Variants in UST observed in about 807,000 individuals in gnomAD.
UST encodes the protein chondroitin sulfate 2-O-sulfotransferase.
In UST, 21 loss-of-function variants were observed where a neutral mutation model predicts 45.6. The observed-to-expected ratio is 0.46, with a 90% CI of 0.33 to 0.66. The LOEUF (loss-of-function observed/expected upper bound fraction) is 0.66. Ranked by LOEUF, UST falls within the 30% of genes least tolerant of loss-of-function variation. The pLI is 0.02. For synonymous variants in UST, 215 were observed against 200.6 expected (o/e 1.07, Z -0.61); for missense variants, 463 against 512.4 (o/e 0.90, Z 0.93).
At chr6:149,071,301 G>A (rs948115336) in intron 7 of UST, among the ~76,000 whole-genome samples, 1 of 152,152 alleles carries the variant, frequency 6.6e-6, no homozygotes, top group African/African-American at 2.4e-5. Context: ...TAAAAATTGG[G>A]AAGTCTATGT....
intron 7 of UST, among the ~76,000 whole-genome samples, chr6:149,026,636 C>T (rs955078422): frequency 6.6e-6 from 1 of 152,152 alleles, no homozygotes; most frequent in Non-Finnish European, 1.5e-5. Flanking sequence ...CTCTATAAAC[C>T]CTTGACTTGG....
intron 1 of UST, among the ~76,000 whole-genome samples, chr6:148,879,540 C>A (rs778592153): frequency 6.6e-6 from 1 of 152,172 alleles, no homozygotes; most frequent in Non-Finnish European, 1.5e-5. Context: ...AAATCAGAAT[C>A]GCTAAGGCTG....
intron 2 of UST, among the ~76,000 whole-genome samples, chr6:148,896,398 G>T (rs1004853245): frequency 6.6e-6 from 1 of 152,190 alleles, no homozygotes; most frequent in Non-Finnish European, 1.5e-5. Flanking sequence ...GGGCCGCCCT[G>T]CCTAGCATGC....
chr6:148,756,710 A>T lies in UST; in HGVS notation c.247+9033A>T, dbSNP rs1776106475. On this transcript the variant is annotated intron_variant, in intron 1 of 7. Transcript: ENST00000367463. Reference sequence around the variant, plus strand: ...TGACATTCTACCTTGTATTGTGATCATCTGTGAGCAAGCACCTTGAAGGGA... The same window carrying T: ...TGACATTCTACCTTGTATTGTGATCTTCTGTGAGCAAGCACCTTGAAGGGA... Among the ~76,000 whole-genome samples, 2 of 152,352 alleles carry T rather than the reference A, an allele frequency of 1.3e-5. 1 individual carries two copies. The highest frequency in any genetic ancestry group is 4.1e-4 in the South Asian group (2 of 4,832).
intron 2 of UST, among the ~76,000 whole-genome samples, chr6:148,918,363 T>C (rs916852811): frequency 1.3e-5 from 2 of 152,206 alleles, no homozygotes; most frequent in Non-Finnish European, 2.9e-5. Context: ...TAATCGCTTT[T>C]CCCCCAGCCT....
Position 148,863,642 on chromosome 6 carries a change from A to G in UST, c.248-23344A>G, listed in dbSNP as rs1005852510. Among the ~76,000 whole-genome samples, 5 of 151,914 alleles carry G rather than the reference A, an allele frequency of 3.3e-5. No individual in the cohort carries two copies. In the South Asian group the frequency reaches 8.3e-4, roughly 25 times the overall value. On this transcript the variant is annotated intron_variant, in intron 1 of 7. Transcript: ENST00000367463. ...TCTCCCCATCTTTGTGGTTTTATCT[A>G]CCTTTGGTCTTTGATGATGGTGACA... is the stretch of plus-strand genomic sequence containing the variant.
At position 148,969,272 on chromosome 6, in the gene UST, G is replaced by A. The variant is rs145046720; in HGVS notation, c.681+4709G>A. Among the ~76,000 whole-genome samples, 16 of 152,284 alleles carry A rather than the reference G, an allele frequency of 1.1e-4. No individual in the cohort carries two copies. In the East Asian group the frequency reaches 3.1e-3, roughly 29 times the overall value. On this transcript the variant is annotated intron_variant, in intron 5 of 7. Transcript: ENST00000367463. ...TCTTAAATAAATAAAATGAAGAAGGGCTTTGGATTGTCTGCTTTTTAAGTG... is the reference window on the plus strand; with the variant it reads ...TCTTAAATAAATAAAATGAAGAAGGACTTTGGATTGTCTGCTTTTTAAGTG...
chr6:148,863,151 G>A (rs1207022358), intron 1 of UST, among the ~76,000 whole-genome samples: 3 of 152,002 alleles, frequency 2.0e-5, no homozygotes, highest in African/African-American at 7.2e-5. Context: ...ACGTAGATTT[G>A]GTCTTTTCAT....
intron 7 of UST, among the ~76,000 whole-genome samples, chr6:149,054,856 CTG>C (rs1249434381): frequency 1.3e-5 from 2 of 152,184 alleles, no homozygotes; most frequent in African/African-American, 4.8e-5. Flanking sequence ...AGGTCTCACT[CTG>C]TTGCCCAGAC....
intron 1 of UST, among the ~76,000 whole-genome samples, chr6:148,760,772 A>G (rs1375297396): frequency 6.6e-6 from 1 of 152,228 alleles, no homozygotes; most frequent in African/African-American, 2.4e-5. Flanking sequence ...AGGAAATAGA[A>G]CTAATATGCA....
At position 149,074,913 on chromosome 6, in the gene UST, C is replaced by G. The variant is rs958596335; in HGVS notation, c.*797C>G. 2 of 152,310 alleles carry G rather than the reference C, an allele frequency of 1.3e-5. No homozygotes were observed. The highest frequency in any genetic ancestry group is 4.8e-5 in the African/African-American group (2 of 41,432). The allele number at this position is 152,310 out of a possible 1,614,324, so 9.4% of individuals were successfully genotyped here. A position where few individuals can be genotyped will look rare whatever the true frequency, so the allele number is the denominator to read the frequency against. On this transcript the variant is annotated 3_prime_UTR_variant, in exon 8 of 8. Coordinates refer to ENST00000367463, the MANE Select transcript of UST (RefSeq NM_005715.3). ...CCCAACCAATCCACAGCCTGGAGTA[C>G]CTTTCAAGGTCAAAGTGCATGGCCA...
chr6:148,859,978 C>T (rs1778278143), intron 1 of UST, among the ~76,000 whole-genome samples: 1 of 152,196 alleles, frequency 6.6e-6, no homozygotes, highest in Non-Finnish European at 1.5e-5. Context: ...GCAATGCAGG[C>T]TCTTTTTTGG....
chr6:148,804,951 T>G (rs1183501899), intron 1 of UST, among the ~76,000 whole-genome samples: 2 of 152,014 alleles, frequency 1.3e-5, no homozygotes, highest in African/African-American at 4.8e-5. Context: ...ACCATGTATA[T>G]ATGGATATGG....
intron 1 of UST, among the ~76,000 whole-genome samples, chr6:148,840,949 T>C (rs1777876064): frequency 1.3e-5 from 2 of 152,010 alleles, no homozygotes; most frequent in African/African-American, 2.4e-5. Flanking sequence ...GTCCTTACCA[T>C]GCTGTAGCCT....
chr6:148,778,810 A>G (rs867734447), intron 1 of UST, among the ~76,000 whole-genome samples: 8 of 152,310 alleles, frequency 5.3e-5, no homozygotes, highest in African/African-American at 1.7e-4. Context: ...AAGCCATTAC[A>G]TGGTAGGGAG....
At chr6:148,794,542 C>CT (rs537404543) in intron 1 of UST, among the ~76,000 whole-genome samples, 35 of 152,134 alleles carry the variant, frequency 2.3e-4, no homozygotes, top group African/African-American at 8.2e-4. Context: ...ATAAGACAAC[C>CT]TTTTTTAAAA....
In UST at chr6:149,015,785, A is replaced by G. The variant is rs78226882; in HGVS notation, c.682-3354A>G. Reference sequence around the variant, plus strand: ...ATAAATCTTAGACCAAAGATAAATCATGAACACCAGGGCAACCAAATGGTC... The same window carrying G: ...ATAAATCTTAGACCAAAGATAAATCGTGAACACCAGGGCAACCAAATGGTC... On this transcript the variant is annotated intron_variant, in intron 5 of 7. Coordinates refer to ENST00000367463, the MANE Select transcript of UST (RefSeq NM_005715.3). Among the ~76,000 whole-genome samples, 1,316 of 152,360 alleles carry G rather than the reference A, an allele frequency of 8.6e-3. 22 individuals are homozygous for G. The highest frequency in any genetic ancestry group is 0.03 in the African/African-American group (1,249 of 41,584).
Position 148,845,840 on chromosome 6 carries a change from GA to G in UST, c.248-41140del, listed in dbSNP as rs368580201. ...TCATTTATGCAGCCAAAAAACACATGAAAAAATGCTCATCATCACTGGCCAT... is the reference window on the plus strand; with the variant it reads ...TCATTTATGCAGCCAAAAAACACATGAAAAATGCTCATCATCACTGGCCAT... On this transcript the variant is annotated intron_variant, in intron 1 of 7. Coordinates refer to ENST00000367463, the MANE Select transcript of UST (RefSeq NM_005715.3). Among the ~76,000 whole-genome samples, 53 of 152,062 alleles carry G rather than the reference GA, an allele frequency of 3.5e-4. No individual in the cohort carries two copies. In the East Asian group the frequency reaches 7.5e-3, roughly 22 times the overall value.
chr6:149,006,458 G>A (rs1328088946), intron 5 of UST, among the ~76,000 whole-genome samples: 4 of 152,106 alleles, frequency 2.6e-5, no homozygotes, highest in Admixed American at 1.3e-4. Context: ...AGTATTCCAT[G>A]GTATATATGT....
Sources: gnomAD v4.1 joint callset for allele counts (sites outside exome capture counted in the v4.1 genomes callset) on GRCh38, gnomAD v4.1.1 for gene constraint, MANE v1.5 for transcripts, NCBI Gene and HGNC (gene_info 2026-07-23, HGNC 2026-07-21) for gene names.